Variants in STK24 observed in about 807,000 individuals in gnomAD.
STK24 encodes the protein serine/threonine-protein kinase 24.
STK24 carries 21 observed loss-of-function variants against 55.6 expected under a neutral mutation model. The ratio of observed to expected loss-of-function variants is 0.38; its 90% CI spans 0.27 to 0.54. STK24 has a LOEUF of 0.54. Ranked by LOEUF, STK24 falls within the 20% of genes least tolerant of loss-of-function variation. STK24 has a pLI of 0.79. For missense variants in STK24, 383 were observed against 538.4 expected (o/e 0.71, Z 2.86); for synonymous variants, 200 against 215.2 (o/e 0.93, Z 0.62).
chr13:98,524,734 T>C (rs1298504641), intron 1 of STK24, among the ~76,000 whole-genome samples: 1 of 152,252 alleles, frequency 6.6e-6, no homozygotes, highest in Non-Finnish European at 1.5e-5. Flanking sequence ...CTATGGGGTG[T>C]CAGGGGTAGA....
At chr13:98,527,006 G>C (rs1454938650) in intron 1 of STK24, among the ~76,000 whole-genome samples, 2 of 152,230 alleles carry the variant, frequency 1.3e-5, no homozygotes, top group Admixed American at 1.3e-4. Context: ...CAGATTCCCT[G>C]AGAAGAGGCA....
chr13:98,570,581 C>T (rs1408135965), intron 1 of STK24, among the ~76,000 whole-genome samples: 1 of 152,184 alleles, frequency 6.6e-6, no homozygotes, highest in Non-Finnish European at 1.5e-5. Context: ...TGACGAAGAA[C>T]CCTCAAGAAA....
rs1177820825 is a variant in STK24 at position 98,446,888 on chromosome 13, C to T, written c.*6285G>A. The T allele has an allele frequency of 6.5e-7, 1 of 1,544,606 alleles. No homozygotes were observed. The highest frequency in any genetic ancestry group is 1.4e-5 in the African/African-American group (1 of 73,574). On this transcript the variant is annotated 3_prime_UTR_variant, in exon 11 of 11. Transcript: ENST00000539966. Reference sequence around the variant, plus strand: ...CCTCTTCCAAACATCAGGATTTCTCCCAAGTCAGCGAGTGAGATGGCCCCA... The same window carrying T: ...CCTCTTCCAAACATCAGGATTTCTCTCAAGTCAGCGAGTGAGATGGCCCCA...
At chr13:98,538,715 C>CCT (rs1896802792) in intron 1 of STK24, among the ~76,000 whole-genome samples, 1 of 152,088 alleles carries the variant, frequency 6.6e-6, no homozygotes, top group Admixed American at 6.6e-5. Flanking sequence ...CCTACAAAAC[C>CCT]ATGCCTTGTG....
intron 1 of STK24, among the ~76,000 whole-genome samples, chr13:98,571,938 A>C (rs1308440944): frequency 1.3e-5 from 2 of 152,194 alleles, no homozygotes; most frequent in African/African-American, 4.8e-5. Context: ...CTGAGAAAGC[A>C]GGAGCCCCAA....
intron 1 of STK24, among the ~76,000 whole-genome samples, chr13:98,558,085 A>G (rs1897321538): frequency 6.6e-6 from 1 of 152,104 alleles, no homozygotes; most frequent in African/African-American, 2.4e-5. Context: ...TATGCGACAC[A>G]TGTGCCTCTG....
At position 98,464,495 on chromosome 13, in the gene STK24, CTTTTTTT is replaced by C. The variant is rs551373383; in HGVS notation, c.784-666_784-660del. Among the ~76,000 whole-genome samples, 4 of 106,806 alleles carry C rather than the reference CTTTTTTT, an allele frequency of 3.7e-5. No individual in the cohort carries two copies. In the South Asian group the frequency reaches 9.4e-4, roughly 25 times the overall value. 70.1% of individuals were successfully genotyped at this position (106,806 alleles called of 152,430 possible). Reference sequence around the variant, plus strand: ...AAAATATATGTTCTGTGTTGTTTAACTTTTTTTTTTTTTTTTTTTTGAGACAGTTTTG... The same window carrying C: ...AAAATATATGTTCTGTGTTGTTTAACTTTTTTTTTTTTTGAGACAGTTTTG... On this transcript the variant is annotated intron_variant, in intron 6 of 10. Transcript: ENST00000539966.
chr13:98,466,291 G>GCAA lies in STK24; in HGVS notation c.783+84_783+85insTTG, dbSNP rs2139266868. Reference sequence around the variant, plus strand: ...AATACCAGGAAGACAGCTGAAAAGAGTGATTAAAGCAATCCCAACAGGATG... The same window carrying GCAA: ...AATACCAGGAAGACAGCTGAAAAGAGCAATGATTAAAGCAATCCCAACAGGATG... On this transcript the variant is annotated intron_variant, in intron 6 of 10. Transcript: ENST00000539966. 5 of 1,317,842 alleles carry GCAA rather than the reference G, an allele frequency of 3.8e-6. No individual in the cohort carries two copies. In the East Asian group the frequency reaches 1.2e-4, roughly 32 times the overall value. The allele number at this position is 1,317,842 out of a possible 1,614,324, so 81.6% of individuals were successfully genotyped here.
chr13:98,537,065 C>T (rs1378045057), intron 1 of STK24, among the ~76,000 whole-genome samples: 1 of 152,232 alleles, frequency 6.6e-6, no homozygotes, highest in African/African-American at 2.4e-5. Context: ...AAGTAAGTCA[C>T]TCACCCAGGG....
At chr13:98,523,942 C>T (rs1896345828) in intron 1 of STK24, among the ~76,000 whole-genome samples, 1 of 152,136 alleles carries the variant, frequency 6.6e-6, no homozygotes, top group Non-Finnish European at 1.5e-5. Context: ...TGCCTCCATC[C>T]CTGCCCTCTT....
intron 1 of STK24, among the ~76,000 whole-genome samples, chr13:98,547,705 T>C (rs1897061631): frequency 6.6e-6 from 1 of 152,202 alleles, no homozygotes; most frequent in Admixed American, 6.5e-5. Context: ...AATCAATAGC[T>C]GTGAAATGGT....
chr13:98,524,834 C>G (rs1896377002), intron 1 of STK24, among the ~76,000 whole-genome samples: 1 of 152,198 alleles, frequency 6.6e-6, no homozygotes, highest in African/African-American at 2.4e-5. Context: ...AATTTTCACT[C>G]TTTTACTATT....
intron 1 of STK24, among the ~76,000 whole-genome samples, chr13:98,539,571 CAAA>C (rs11286407): frequency 6.6e-6 from 1 of 150,802 alleles, no homozygotes; most frequent in Admixed American, 6.6e-5. Context: ...CATTTAAAAA[CAAA>C]AAAAAAAGGA....
At position 98,527,393 on chromosome 13, in the gene STK24, C is replaced by T. The variant is rs59606109; in HGVS notation, c.43-7920G>A. The stretch of plus-strand genomic sequence containing the variant: ...TCTGATTCCAGTGGCCAAGACCCCA[C>T]CCCAATTAGAGCGGTGGGAACATGT... On this transcript the variant is annotated intron_variant, in intron 1 of 10. Transcript: ENST00000539966. Among the ~76,000 whole-genome samples, 8 of 152,330 alleles carry T rather than the reference C, an allele frequency of 5.3e-5. No homozygotes were observed. The East Asian group carries it at 1.5e-3, about 29-fold the overall frequency.
intron 1 of STK24, among the ~76,000 whole-genome samples, chr13:98,555,030 A>AG (rs1262853447): frequency 3.3e-5 from 5 of 151,216 alleles, no homozygotes; most frequent in South Asian, 4.2e-4. Context: ...AAAAAAAAAA[A>AG]AAAAGAAAGA....
At position 98,445,411 on chromosome 13, in the gene STK24, C is replaced by G. The variant is rs1446045213; in HGVS notation, c.*7762G>C. On this transcript the variant is annotated 3_prime_UTR_variant, in exon 11 of 11. Coordinates refer to ENST00000539966, the MANE Select transcript of STK24 (RefSeq NM_001032296.4). ...GGTAGCATGGACACAGGTGCCTGTC[C>G]CTGCCCCCTAGCTGGGCTGCAGCGC... The G allele has an allele frequency of 1.3e-5, 2 of 152,206 alleles. No individual in the cohort carries two copies. The highest frequency in any genetic ancestry group is 2.9e-5 in the Non-Finnish European group (2 of 68,034). 9.4% of individuals were successfully genotyped at this position (152,206 alleles called of 1,614,324 possible). A position where few individuals can be genotyped will look rare whatever the true frequency, so the allele number is the denominator to read the frequency against.
chr13:98,494,561 G>A (rs1470228091), intron 2 of STK24, among the ~76,000 whole-genome samples: 1 of 152,116 alleles, frequency 6.6e-6, no homozygotes, highest in African/African-American at 2.4e-5. Flanking sequence ...TTAACCCCAA[G>A]CTAAACAGCT....
intron 2 of STK24, among the ~76,000 whole-genome samples, chr13:98,499,849 G>A (rs548144069): frequency 1.3e-5 from 2 of 152,216 alleles, no homozygotes; most frequent in African/African-American, 4.8e-5. Context: ...AGGACTAAAT[G>A]CAGGAGCGTG....
intron 2 of STK24, among the ~76,000 whole-genome samples, chr13:98,506,008 T>C (rs1299546642): frequency 1.3e-5 from 2 of 152,252 alleles, no homozygotes; most frequent in Non-Finnish European, 1.5e-5. Flanking sequence ...TTCAAATATA[T>C]GTTTTAGATA....
Sources: allele counts gnomAD v4.1 joint callset (sites outside exome capture counted in the v4.1 genomes callset), GRCh38; gene constraint gnomAD v4.1.1; transcripts MANE v1.5; gene names NCBI Gene and HGNC (gene_info 2026-07-23, HGNC 2026-07-21).